The following NXPE2 variants were observed in gnomAD, a reference collection of about 807,000 sequenced individuals.
NXPE2 encodes NXPE family member 2.
NXPE2 carries 34 observed loss-of-function variants against 34.4 expected under a neutral mutation model. The ratio of observed to expected loss-of-function variants is 0.99; its 90% CI spans 0.75 to 1.31. The LOEUF is 1.31. Among genes scored for constraint, NXPE2 ranks in the 40% most tolerant of loss-of-function variants. The pLI, the probability that NXPE2 is intolerant of heterozygous loss-of-function variation, is 0.00. For synonymous variants in NXPE2, 235 were observed against 231.3 expected (o/e 1.02, Z -0.15); for missense variants, 649 against 672.5 (o/e 0.97, Z 0.39).
the NXPE2 span, among the ~76,000 whole-genome samples, chr11:114,482,996 C>T: frequency 1.3e-5 from 2 of 152,138 alleles, no homozygotes; most frequent in African/African-American, 2.4e-5. Flanking sequence ...CACTTCCTAG[C>T]GTTTGTCATT....
chr11:114,654,117 C>T, the NXPE2 span, among the ~76,000 whole-genome samples: 7 of 152,062 alleles, frequency 4.6e-5, no homozygotes, highest in Non-Finnish European at 1.0e-4. Context: ...GGAAAGTAGA[C>T]CCCACAGTGG....
the NXPE2 span, among the ~76,000 whole-genome samples, chr11:114,520,911 C>T: frequency 0.24 from 35,920 of 152,102 alleles, 6,137 homozygotes; most frequent in African/African-American, 0.48. Flanking sequence ...CCTGCTGTTA[C>T]AAAGCTTTAA....
chr11:114,471,235 T>C, the NXPE2 span, among the ~76,000 whole-genome samples: 2 of 152,194 alleles, frequency 1.3e-5, no homozygotes, highest in Non-Finnish European at 2.9e-5. Flanking sequence ...TTTCGTCCTT[T>C]TATTGCTCTA....
chr11:114,555,165 G>A, the NXPE2 span, among the ~76,000 whole-genome samples: 2 of 151,878 alleles, frequency 1.3e-5, no homozygotes, highest in Non-Finnish European at 2.9e-5. Context: ...GCATTAACTG[G>A]GAATTGTTTC....
chr11:114,487,302 A>G, the NXPE2 span, among the ~76,000 whole-genome samples: 31 of 152,080 alleles, frequency 2.0e-4, no homozygotes, highest in East Asian at 1.9e-4. Flanking sequence ...ATTGTTTACT[A>G]TTGGTATACA....
the NXPE2 span, among the ~76,000 whole-genome samples, chr11:114,575,364 A>T: frequency 3.3e-5 from 5 of 152,274 alleles, no homozygotes; most frequent in East Asian, 9.6e-4. Context: ...AAAGGAAGAA[A>T]TAAAGGACAT....
chr11:114,584,904 C>T, the NXPE2 span, among the ~76,000 whole-genome samples: 1 of 152,166 alleles, frequency 6.6e-6, no homozygotes, highest in African/African-American at 2.4e-5. Flanking sequence ...ACCTATCCCT[C>T]TGCAGGTCTT....
chr11:114,555,544 G>A, the NXPE2 span, among the ~76,000 whole-genome samples: 10 of 152,258 alleles, frequency 6.6e-5, no homozygotes, highest in African/African-American at 2.4e-4. Context: ...TGCATTTTAA[G>A]TGCACTGTTT....
At chr11:114,708,956 C>T (rs1191814332), downstream of NXPE2, among the ~76,000 whole-genome samples, 1 of 152,186 alleles carries the variant, frequency 6.6e-6, no homozygotes, top group Non-Finnish European at 1.5e-5. Context: ...CTATATCACT[C>T]TACAACTCAC....
chr11:114,668,231 T>C, the NXPE2 span, among the ~76,000 whole-genome samples: 1 of 152,134 alleles, frequency 6.6e-6, no homozygotes, highest in African/African-American at 2.4e-5. Context: ...CCTATTAGGA[T>C]CTATGTTAAT....
At chr11:114,714,635 G>T in the NXPE2 span, among the ~76,000 whole-genome samples, 5 of 152,210 alleles carry the variant, frequency 3.3e-5, no homozygotes, top group East Asian at 3.8e-4. Flanking sequence ...TTTCAGGCAG[G>T]TTCTTTACAT....
At chr11:114,602,917 A>G in the NXPE2 span, among the ~76,000 whole-genome samples, 11 of 149,066 alleles carry the variant, frequency 7.4e-5, no homozygotes, top group Admixed American at 1.4e-4. Context: ...AATCATATAT[A>G]ATAATCTAAT....
the NXPE2 span, among the ~76,000 whole-genome samples, chr11:114,558,630 G>A: frequency 3.1e-4 from 47 of 152,202 alleles, no homozygotes; most frequent in South Asian, 1.7e-3. Context: ...TATTACATTC[G>A]TATATTTTCT....
At chr11:114,511,533 C>A in the NXPE2 span, among the ~76,000 whole-genome samples, 1 of 152,310 alleles carries the variant, frequency 6.6e-6, no homozygotes, top group African/African-American at 2.4e-5. Flanking sequence ...TAAAAAATAT[C>A]AACTCATCAT....
At chr11:114,796,886 G>GAGTT in the NXPE2 span, among the ~76,000 whole-genome samples, 1 of 152,210 alleles carries the variant, frequency 6.6e-6, no homozygotes, top group Non-Finnish European at 1.5e-5. Flanking sequence ...GGTGGGAAAG[G>GAGTT]AGTTAAAGTT....
At chr11:114,767,212 A>G in the NXPE2 span, among the ~76,000 whole-genome samples, 1 of 152,184 alleles carries the variant, frequency 6.6e-6, no homozygotes, top group African/African-American at 2.4e-5. Context: ...TTTATGAATA[A>G]TAGCACTTTA....
chr11:114,642,120 C>G, the NXPE2 span, among the ~76,000 whole-genome samples: 178 of 152,068 alleles, frequency 1.2e-3, 3 homozygotes, highest in East Asian at 0.034. Context: ...ACTACCTCAG[C>G]TAGATGATCA....
At chr11:114,636,913 G>A in the NXPE2 span, among the ~76,000 whole-genome samples, 1,867 of 152,002 alleles carry the variant, frequency 0.012, 28 homozygotes, top group Non-Finnish European at 0.021. Flanking sequence ...TAGGTGTGGT[G>A]TGTTGCTGAA....
At chr11:114,663,609 C>CTATCTA in the NXPE2 span, among the ~76,000 whole-genome samples, 1 of 98,314 alleles carries the variant, frequency 1.0e-5, no homozygotes, top group Non-Finnish European at 2.2e-5. Context: ...ATCTATCTAT[C>CTATCTA]TATCTATCTA....
Sources: gnomAD v4.1 joint callset for allele counts (sites outside exome capture counted in the v4.1 genomes callset) on GRCh38, gnomAD v4.1.1 for gene constraint, MANE v1.5 for transcripts, NCBI Gene and HGNC (gene_info 2026-07-23, HGNC 2026-07-21) for gene names.